The following ROBO1 variants were observed in gnomAD, a reference collection of about 807,000 sequenced individuals.
ROBO1 encodes the protein roundabout homolog 1.
A neutral mutation model predicts 195.9 loss-of-function variants in ROBO1; 149 were observed. The ratio of observed to expected loss-of-function variants is 0.76; its 90% confidence interval spans 0.67 to 0.87. The LOEUF is 0.87. ROBO1 is among the 40% of genes least tolerant of loss of function. The probability of loss-of-function intolerance (pLI) is 0.00; values close to 1 mark genes in which losing one functional copy is unlikely to be tolerated. For missense variants in ROBO1, 1,933 were observed against 2,068.3 expected, an observed-to-expected ratio of 0.93 and a Z score of 1.27; for synonymous variants, 816 against 733.2, an observed-to-expected ratio of 1.11 and a Z score of -1.82.
intron 2 of ROBO1, among the ~76,000 whole-genome samples, chr3:79,544,368 C>T (rs970464759): frequency 1.3e-5 from 2 of 151,414 alleles, no homozygotes; most frequent in African/African-American, 2.4e-5. Flanking sequence ...TGAATATTTA[C>T]ACTTAAAATT....
At chr3:79,509,619 A>T (rs73848902) in intron 2 of ROBO1, among the ~76,000 whole-genome samples, 1 of 151,998 alleles carries the variant, frequency 6.6e-6, no homozygotes, top group East Asian at 1.9e-4. Context: ...TATCTTCCTT[A>T]TATATATTAC....
chr3:79,748,947 G>T (rs1703998871), intron 1 of ROBO1, among the ~76,000 whole-genome samples: 1 of 152,156 alleles, frequency 6.6e-6, no homozygotes, highest in South Asian at 2.1e-4. Flanking sequence ...GGGTCCTGCT[G>T]AAAAGATACA....
At chr3:79,117,241 G>A (rs534217237) in intron 3 of ROBO1, among the ~76,000 whole-genome samples, 4 of 152,122 alleles carry the variant, frequency 2.6e-5, no homozygotes, top group African/African-American at 9.6e-5. Flanking sequence ...ATGGTGGCAC[G>A]CACCTGTAGT....
At chr3:78,959,999 T>C (rs1199502550) in intron 3 of ROBO1, among the ~76,000 whole-genome samples, 3 of 152,088 alleles carry the variant, frequency 2.0e-5, no homozygotes, top group African/African-American at 7.2e-5. Flanking sequence ...CAGCTATTTC[T>C]GCAGCAAAAA....
intron 2 of ROBO1, among the ~76,000 whole-genome samples, chr3:79,258,814 G>A (rs1176672595): frequency 6.6e-6 from 1 of 151,956 alleles, no homozygotes; most frequent in Non-Finnish European, 1.5e-5. Flanking sequence ...TTCCAATATT[G>A]TTGGTTCAGG....
intron 8 of ROBO1, among the ~76,000 whole-genome samples, chr3:78,702,997 A>C (rs2081455816): frequency 6.6e-6 from 1 of 152,216 alleles, no homozygotes; most frequent in Non-Finnish European, 1.5e-5. Flanking sequence ...AAGGCCATGA[A>C]GTGAATGCCT....
chr3:78,684,609 G>T (rs1425338768), intron 10 of ROBO1, among the ~76,000 whole-genome samples: 1 of 152,090 alleles, frequency 6.6e-6, no homozygotes, highest in East Asian at 1.9e-4. Flanking sequence ...GAGAAGACCA[G>T]AAACAGGATG....
At chr3:79,690,071 T>A (rs541286306) in intron 1 of ROBO1, among the ~76,000 whole-genome samples, 4 of 152,172 alleles carry the variant, frequency 2.6e-5, no homozygotes, top group African/African-American at 9.6e-5. Context: ...ACAGTTGTGA[T>A]ACTGTCTTTC....
chr3:79,525,342 A>AT (rs1015777189), intron 2 of ROBO1, among the ~76,000 whole-genome samples: 2 of 149,666 alleles, frequency 1.3e-5, no homozygotes, highest in African/African-American at 4.9e-5. Flanking sequence ...TATTAAAATA[A>AT]TTTTTAAAAC....
chr3:79,661,370 G>A (rs1304725222), intron 1 of ROBO1, among the ~76,000 whole-genome samples: 2 of 152,032 alleles, frequency 1.3e-5, no homozygotes, highest in African/African-American at 4.8e-5. Flanking sequence ...GTCAGCTTCC[G>A]AGGGAAAATA....
At chr3:79,731,025 T>G (rs549518136) in intron 1 of ROBO1, among the ~76,000 whole-genome samples, 86 of 152,158 alleles carry the variant, frequency 5.7e-4, no homozygotes, top group African/African-American at 2.0e-3. Flanking sequence ...GATCCGTGTT[T>G]CCTATATTTC....
At chr3:78,811,386 C>A (rs2084734301) in intron 4 of ROBO1, among the ~76,000 whole-genome samples, 1 of 152,076 alleles carries the variant, frequency 6.6e-6, no homozygotes, top group Non-Finnish European at 1.5e-5. Flanking sequence ...AATTGAAAAA[C>A]GTTTGCTACT....
intron 2 of ROBO1, among the ~76,000 whole-genome samples, chr3:79,357,081 G>A (rs2035586613): frequency 6.6e-6 from 1 of 152,090 alleles, no homozygotes; most frequent in Non-Finnish European, 1.5e-5. Flanking sequence ...TTCTGCTTCT[G>A]GAGGAGTTTA....
intron 2 of ROBO1, among the ~76,000 whole-genome samples, chr3:79,336,280 T>C (rs2034662247): frequency 6.6e-6 from 1 of 152,148 alleles, no homozygotes; most frequent in Non-Finnish European, 1.5e-5. Flanking sequence ...TGGCAATCCC[T>C]CCCATCACAG....
rs2080933056 is a variant in ROBO1, at chr3:79,160,238, G to T, written c.89-34699C>A. Among the ~76,000 whole-genome samples, 5 of 150,970 alleles carry T rather than the reference G, an allele frequency of 3.3e-5. No homozygotes were observed. In the South Asian group the frequency reaches 1.0e-3, roughly 32 times the overall value. On this transcript the variant is annotated intron_variant, in intron 2 of 30. Transcript: ENST00000464233. Reference sequence around the variant, plus strand: ...CTGTTCATTGCCTTTAAAAAAATGTGTGTGTGTGTGTGTGTGTGTGTGTTG... The same window carrying T: ...CTGTTCATTGCCTTTAAAAAAATGTTTGTGTGTGTGTGTGTGTGTGTGTTG...
intron 3 of ROBO1, among the ~76,000 whole-genome samples, chr3:78,969,298 A>T (rs1277388089): frequency 6.6e-6 from 1 of 152,336 alleles, no homozygotes; most frequent in East Asian, 1.9e-4. Flanking sequence ...TATTAAAATC[A>T]GGTCCCTACA....
chr3:79,760,731 TG>T (rs1184482538), intron 1 of ROBO1, among the ~76,000 whole-genome samples: 1 of 151,272 alleles, frequency 6.6e-6, no homozygotes, highest in African/African-American at 2.4e-5. Flanking sequence ...TAAATATTCA[TG>T]GGGGCTTTCA....
chr3:79,329,672 T>C (rs1160883750), intron 2 of ROBO1, among the ~76,000 whole-genome samples: 1 of 152,224 alleles, frequency 6.6e-6, no homozygotes, highest in African/African-American at 2.4e-5. Context: ...TCTTAAAGAT[T>C]AATTCAGTTG....
Position 79,383,028 on chromosome 3 carries a change from T to C in ROBO1, c.88+206796A>G, listed in dbSNP as rs139451120. Among the ~76,000 whole-genome samples the C allele has an allele frequency of 3.9e-5, 6 of 152,224 alleles. No homozygotes were observed. The East Asian group carries it at 1.2e-3, about 29-fold the overall frequency. On this transcript the variant is annotated intron_variant, in intron 2 of 30. Coordinates refer to ENST00000464233, the MANE Select transcript of ROBO1 (RefSeq NM_002941.4). Reference sequence around the variant, plus strand: ...TGATGCTAATAAACTATGGAAGATATGATTCACATTGAAAAAGAAGAGTTC... The same window carrying C: ...TGATGCTAATAAACTATGGAAGATACGATTCACATTGAAAAAGAAGAGTTC...
Sources: allele counts gnomAD v4.1 joint callset (sites outside exome capture counted in the v4.1 genomes callset), GRCh38; gene constraint gnomAD v4.1.1; transcripts MANE v1.5; gene names NCBI Gene and HGNC (gene_info 2026-07-23, HGNC 2026-07-21).